Variants in SLC25A21 observed in about 807,000 individuals in gnomAD.
The protein encoded by SLC25A21 is solute carrier family 25 member 21.
In SLC25A21, 47 loss-of-function variants were observed where a neutral mutation model predicts 43.8. The ratio of observed to expected loss-of-function variants is 1.07; its 90% confidence interval spans 0.85 to 1.37. The LOEUF (loss-of-function observed/expected upper bound fraction) is 1.37, where lower values mean the gene tolerates loss of function less well. Among genes scored for constraint, SLC25A21 ranks in the 40% most tolerant of loss-of-function variants. The probability of loss-of-function intolerance (pLI) is 0.00; values close to 1 mark genes in which losing one functional copy is unlikely to be tolerated. For missense variants in SLC25A21, 352 were observed against 350.2 expected (o/e 1.00, Z -0.04); for synonymous variants, 131 against 121.3 (o/e 1.08, Z -0.52).
chr14:36,705,320 C>T (rs1042707261), intron 7 of SLC25A21, among the ~76,000 whole-genome samples: 4 of 152,100 alleles, frequency 2.6e-5, no homozygotes, highest in Non-Finnish European at 5.9e-5. Flanking sequence ...GCTGGGATTA[C>T]AGGTGTGAGC....
rs1892852436 is a variant in SLC25A21 at position 36,953,056 on chromosome 14, A to T, written c.71-78052T>A. Among the ~76,000 whole-genome samples the T allele has an allele frequency of 2.0e-5, 3 of 152,188 alleles. 1 individual carries two copies. Among genetic ancestry groups the T allele is most frequent in the Admixed American group, 2.0e-4 (3 of 15,272 alleles). ...GCCTCTATCTATTTAGTTTTGAGGT[A>T]TCAATTGCCTGTATTATGGTCCATG... is the stretch of plus-strand genomic sequence containing the variant. On this transcript the variant is annotated intron_variant, in intron 1 of 9. Coordinates refer to ENST00000331299, the MANE Select transcript of SLC25A21 (RefSeq NM_030631.4).
chr14:36,869,012 C>T (rs778594820), intron 2 of SLC25A21, among the ~76,000 whole-genome samples: 2 of 152,206 alleles, frequency 1.3e-5, no homozygotes, highest in African/African-American at 2.4e-5. Flanking sequence ...GGCAACACCA[C>T]CTTCTCCCTT....
chr14:37,105,374 C>T (rs1348089970), intron 1 of SLC25A21, among the ~76,000 whole-genome samples: 1 of 152,112 alleles, frequency 6.6e-6, no homozygotes, highest in Non-Finnish European at 1.5e-5. Flanking sequence ...GGAGTCCTGA[C>T]TAAGGAGGTG....
chr14:36,854,937 G>T (rs182141896), intron 2 of SLC25A21, among the ~76,000 whole-genome samples: 2 of 151,608 alleles, frequency 1.3e-5, no homozygotes, highest in East Asian at 3.9e-4. Flanking sequence ...ATGAGGTGGG[G>T]GGGGGTATTC....
chr14:37,020,215 T>TA (rs1385761407), intron 1 of SLC25A21, among the ~76,000 whole-genome samples: 4 of 151,810 alleles, frequency 2.6e-5, no homozygotes, highest in Non-Finnish European at 5.9e-5. Flanking sequence ...CCCTAAATAA[T>TA]AAAAAAAGTT....
intron 4 of SLC25A21, among the ~76,000 whole-genome samples, chr14:36,730,430 A>G (rs1884772124): frequency 6.6e-6 from 1 of 152,210 alleles, no homozygotes; most frequent in Non-Finnish European, 1.5e-5. Flanking sequence ...GTTCTGCTAG[A>G]GTCTGATTCT....
intron 1 of SLC25A21, among the ~76,000 whole-genome samples, chr14:37,059,433 C>G (rs904561130): frequency 6.6e-6 from 1 of 152,202 alleles, no homozygotes; most frequent in African/African-American, 2.4e-5. Flanking sequence ...TACCACCTTT[C>G]ATTATGTTAC....
At chr14:36,940,943 C>G (rs1262889878) in intron 1 of SLC25A21, among the ~76,000 whole-genome samples, 1 of 152,056 alleles carries the variant, frequency 6.6e-6, no homozygotes, top group East Asian at 1.9e-4. Flanking sequence ...AACTTAAAAA[C>G]CTGTTTCAGA....
intron 1 of SLC25A21, among the ~76,000 whole-genome samples, chr14:36,931,832 A>T (rs1269858031): frequency 6.6e-6 from 1 of 152,186 alleles, no homozygotes; most frequent in East Asian, 1.9e-4. Context: ...TTTTGCTCTG[A>T]GTACTTATGT....
At chr14:36,691,291 A>C (rs1003125302) in intron 7 of SLC25A21, among the ~76,000 whole-genome samples, 7 of 152,196 alleles carry the variant, frequency 4.6e-5, no homozygotes, top group Non-Finnish European at 2.9e-5. Flanking sequence ...ACAGAAAATA[A>C]AAATCCCAGA....
chr14:36,759,256 C>A (rs1385723965), intron 3 of SLC25A21, among the ~76,000 whole-genome samples: 1 of 152,174 alleles, frequency 6.6e-6, no homozygotes, highest in Non-Finnish European at 1.5e-5. Context: ...TTTGAGTGGG[C>A]ACCCTTTCTG....
intron 1 of SLC25A21, among the ~76,000 whole-genome samples, chr14:37,069,344 GATAAATT>G (rs1962126630): frequency 6.6e-6 from 1 of 152,190 alleles, no homozygotes; most frequent in Non-Finnish European, 1.5e-5. Flanking sequence ...ACATGGTTGT[GATAAATT>G]ATAGAGTATC....
At chr14:36,995,319 T>A (rs899676536) in intron 1 of SLC25A21, among the ~76,000 whole-genome samples, 1 of 152,234 alleles carries the variant, frequency 6.6e-6, no homozygotes, top group Admixed American at 6.5e-5. Flanking sequence ...TGTGCAATTT[T>A]AATATCTGGT....
At chr14:36,814,773 G>T (rs1594612606) in intron 2 of SLC25A21, among the ~76,000 whole-genome samples, 1 of 152,106 alleles carries the variant, frequency 6.6e-6, no homozygotes, top group East Asian at 1.9e-4. Context: ...ATTCCTCAAG[G>T]ATCTAGAACC....
intron 1 of SLC25A21, among the ~76,000 whole-genome samples, chr14:37,058,425 T>C (rs1289664708): frequency 6.6e-6 from 1 of 152,192 alleles, no homozygotes; most frequent in Non-Finnish European, 1.5e-5. Context: ...CTTCCAACAA[T>C]ATAAAATAAT....
chr14:36,955,911 G>A lies in SLC25A21; in HGVS notation c.71-80907C>T, dbSNP rs1404580768. Among the ~76,000 whole-genome samples the A allele has an allele frequency of 2.0e-5, 3 of 152,098 alleles. 1 individual carries two copies. Among genetic ancestry groups the A allele is most frequent in the South Asian group, 4.1e-4 (2 of 4,826 alleles). The stretch of plus-strand genomic sequence containing the variant: ...AGCTTGGTCCTACCCTTTGGTGCTG[G>A]TCAATAAACTTGGTACCAGATATAA... On this transcript the variant is annotated intron_variant, in intron 1 of 9. Transcript: ENST00000331299.
chr14:36,812,826 A>C (rs894187367), intron 3 of SLC25A21, among the ~76,000 whole-genome samples: 10 of 152,028 alleles, frequency 6.6e-5, no homozygotes, highest in African/African-American at 2.2e-4. Flanking sequence ...CAGCTCCACT[A>C]CTCACCAGAA....
chr14:36,952,103 C>T lies in SLC25A21; in HGVS notation c.71-77099G>A, dbSNP rs192803020. Among the ~76,000 whole-genome samples the T allele has an allele frequency of 1.9e-3, 286 of 152,010 alleles. 6 individuals are homozygous for T. Among genetic ancestry groups the T allele is most frequent in the Admixed American group, 2.2e-3 (34 of 15,276 alleles). The stretch of plus-strand genomic sequence containing the variant: ...ACAAAATTAACTGGGCATGGTGGTG[C>T]GTGCCTGTAATCCCAGCTACTCACA... On this transcript the variant is annotated intron_variant, in intron 1 of 9. Transcript: ENST00000331299.
At chr14:36,893,027 A>C (rs1176030319) in intron 1 of SLC25A21, among the ~76,000 whole-genome samples, 6 of 152,200 alleles carry the variant, frequency 3.9e-5, no homozygotes, top group Non-Finnish European at 8.8e-5. Flanking sequence ...ATGTGTCTTT[A>C]GCGCAGCATG....
Sources: gnomAD v4.1 joint callset for allele counts (sites outside exome capture counted in the v4.1 genomes callset) on GRCh38, gnomAD v4.1.1 for gene constraint, MANE v1.5 for transcripts, NCBI Gene and HGNC (gene_info 2026-07-23, HGNC 2026-07-21) for gene names.